The following SAP30BP variants were observed in gnomAD, a reference collection of about 807,000 sequenced individuals.
The protein encoded by SAP30BP is SAP30-binding protein.
In SAP30BP, 31 loss-of-function variants were observed where a neutral mutation model predicts 46.3. That is an observed-to-expected ratio of 0.67 (90% CI 0.50 to 0.90). The LOEUF (loss-of-function observed/expected upper bound fraction) is 0.90, where lower values mean the gene tolerates loss of function less well. Among genes scored for constraint, SAP30BP ranks in the 40% least tolerant of loss-of-function variants. SAP30BP has a pLI of 0.00. For missense variants in SAP30BP, 312 were observed against 391.0 expected, an observed-to-expected ratio of 0.80 and a Z score of 1.70; for synonymous variants, 169 against 144.2, an observed-to-expected ratio of 1.17 and a Z score of -1.23.
At chr17:75,675,553 G>A (rs2148376444) in intron 3 of SAP30BP, among the ~76,000 whole-genome samples, 1 of 152,120 alleles carries the variant, frequency 6.6e-6, no homozygotes, top group Middle Eastern at 3.4e-3. Flanking sequence ...TTTCATTTTG[G>A]TTTTATCTAT....
chr17:75,682,523 C>A (rs2060092742), intron 3 of SAP30BP, among the ~76,000 whole-genome samples: 1 of 151,258 alleles, frequency 6.6e-6, no homozygotes. Context: ...CATTTTTATT[C>A]TTCTTTTATG....
At chr17:75,687,720 C>A (rs1212945325) in intron 3 of SAP30BP, among the ~76,000 whole-genome samples, 1 of 152,134 alleles carries the variant, frequency 6.6e-6, no homozygotes, top group African/African-American at 2.4e-5. Context: ...CTTCTCCTGC[C>A]CCTTGGCAGA....
At chr17:75,698,164 G>A (rs559442268) in intron 4 of SAP30BP, among the ~76,000 whole-genome samples, 3 of 152,346 alleles carry the variant, frequency 2.0e-5, no homozygotes, top group Admixed American at 6.5e-5. Flanking sequence ...CCAAGGCTGC[G>A]GGGAAGAGGC....
intron 3 of SAP30BP, among the ~76,000 whole-genome samples, chr17:75,691,089 A>G (rs2060234923): frequency 6.6e-6 from 1 of 152,108 alleles, no homozygotes; most frequent in South Asian, 2.1e-4. Context: ...ATGGAGCTGG[A>G]TTCTGCTGCT....
At chr17:75,685,119 C>G (rs936679794) in intron 3 of SAP30BP, among the ~76,000 whole-genome samples, 1 of 152,152 alleles carries the variant, frequency 6.6e-6, no homozygotes, top group Non-Finnish European at 1.5e-5. Flanking sequence ...AGGGAGCCAC[C>G]GCGTGTCTGG....
chr17:75,686,640 C>T (rs576620517), intron 3 of SAP30BP, among the ~76,000 whole-genome samples: 1 of 152,332 alleles, frequency 6.6e-6, no homozygotes, highest in East Asian at 1.9e-4. Context: ...CCACCAACTT[C>T]CGCCCATTTT....
Position 75,676,665 on chromosome 17 carries a change from C to T in SAP30BP, c.264+4802C>T, listed in dbSNP as rs530027568. Among the ~76,000 whole-genome samples, 247 of 152,292 alleles carry T rather than the reference C, an allele frequency of 1.6e-3. 2 individuals are homozygous for T. The highest frequency in any genetic ancestry group is 5.5e-3 in the African/African-American group (229 of 41,538). ...AACTGGTGACTCAAATAATCACAAA[C>T]GGTAGTCCATCCTTTTCCGTGGCTT... On this transcript the variant is annotated intron_variant, in intron 3 of 10. Transcript: ENST00000584667.
Position 75,706,586 on chromosome 17 carries a change from C to T in SAP30BP, c.*65C>T. Reference sequence around the variant, plus strand: ...CCAGTGACCACTGCCCAGTGGGAGGCGCCACTTTGTATATTTCAGGACTGG... The same window carrying T: ...CCAGTGACCACTGCCCAGTGGGAGGTGCCACTTTGTATATTTCAGGACTGG... On this transcript the variant is annotated 3_prime_UTR_variant, in exon 11 of 11. Transcript: ENST00000584667. The surrounding 1 kb of genome is among the most constrained non-coding windows in gnomAD (Gnocchi z 4.6). 6.2e-6 allele frequency: 9 copies of T among 1,454,766 alleles called. No homozygotes were observed. In the Admixed American group the frequency reaches 7.2e-5, roughly 12 times the overall value. The allele number at this position is 1,454,766 out of a possible 1,614,324, so 90.1% of individuals were successfully genotyped here. A position where few individuals can be genotyped will look rare whatever the true frequency, so the allele number is the denominator to read the frequency against.
chr17:75,686,039 G>A (rs1047789672), intron 3 of SAP30BP, among the ~76,000 whole-genome samples: 2 of 152,216 alleles, frequency 1.3e-5, no homozygotes, highest in African/African-American at 2.4e-5. Flanking sequence ...GTTGTAACAT[G>A]TTCCATGTAA....
chr17:75,675,442 C>T (rs970672300), intron 3 of SAP30BP, among the ~76,000 whole-genome samples: 81 of 152,160 alleles, frequency 5.3e-4, no homozygotes, highest in Non-Finnish European at 5.9e-5. Context: ...AGCCACCTCG[C>T]CCGGCCTCTA....
intron 3 of SAP30BP, chr17:75,692,665 G>A (rs1166952010): frequency 1.3e-5 from 3 of 239,370 alleles, no homozygotes; most frequent in East Asian, 1.8e-4. Context: ...TCCAGAAAAC[G>A]TCTAAGAAGC....
At chr17:75,687,781 C>T (rs77526013) in intron 3 of SAP30BP, among the ~76,000 whole-genome samples, 1,546 of 151,784 alleles carry the variant, frequency 0.01, 21 homozygotes, top group African/African-American at 0.034. Context: ...GCTGCCTGTC[C>T]GTCTGACATT....
intron 2 of SAP30BP, among the ~76,000 whole-genome samples, chr17:75,670,722 A>G (rs982906325): frequency 1.3e-5 from 2 of 152,058 alleles, no homozygotes; most frequent in Non-Finnish European, 1.5e-5. Flanking sequence ...TTTTAAGGAG[A>G]TTATGGAGAT....
rs538072327 is a variant in SAP30BP, at chr17:75,707,440, G to C, written c.*919G>C. ...TTGAAACGGGTTTCCCAGACCAGGGGTTCAGAGGAGACTATTTACCCTTCA... is the reference window on the plus strand; with the variant it reads ...TTGAAACGGGTTTCCCAGACCAGGGCTTCAGAGGAGACTATTTACCCTTCA... On this transcript the variant is annotated 3_prime_UTR_variant, in exon 11 of 11. Transcript: ENST00000584667. The C allele has an allele frequency of 6.5e-6, 1 of 152,750 alleles. No homozygotes were observed. The highest frequency in any genetic ancestry group is 2.4e-5 in the African/African-American group (1 of 41,470). 9.5% of individuals were successfully genotyped at this position (152,750 alleles called of 1,614,324 possible). A position where few individuals can be genotyped will look rare whatever the true frequency, so the allele number is the denominator to read the frequency against.
chr17:75,670,231 A>T (rs1348907914), intron 2 of SAP30BP, among the ~76,000 whole-genome samples: 1 of 152,050 alleles, frequency 6.6e-6, no homozygotes, highest in Admixed American at 6.6e-5. Context: ...CTGAGGCAGG[A>T]GAATCGCTTG....
At chr17:75,687,477 A>G (rs1037904563) in intron 3 of SAP30BP, among the ~76,000 whole-genome samples, 3 of 152,078 alleles carry the variant, frequency 2.0e-5, no homozygotes, top group Admixed American at 2.0e-4. Context: ...TTAGCCAGCC[A>G]TGGTGGTGCA....
intron 4 of SAP30BP, among the ~76,000 whole-genome samples, chr17:75,696,757 TC>T (rs1245097566): frequency 1.5e-5 from 2 of 130,492 alleles, no homozygotes; most frequent in Non-Finnish European, 3.2e-5. Flanking sequence ...GAGGAGGGGC[TC>T]CCCTCCTCTT....
At position 75,671,873 on chromosome 17, in the gene SAP30BP, G is replaced by A. The variant is rs1292555710; in HGVS notation, c.264+10G>A. The A allele has an allele frequency of 1.2e-6, 2 of 1,611,250 alleles. No homozygotes were observed. Among genetic ancestry groups the A allele is most frequent in the East Asian group, 4.5e-5 (2 of 44,870 alleles). On this transcript the variant is annotated intron_variant, in intron 3 of 10. Transcript: ENST00000584667. ...GGCTGATGACCCAAAGGTATTTGGT[G>A]TTGGCTGTGGTGGGTGGCTGGATGC...
chr17:75,667,814 A>G (rs926351529), intron 1 of SAP30BP, among the ~76,000 whole-genome samples: 5 of 152,248 alleles, frequency 3.3e-5, no homozygotes, highest in Non-Finnish European at 5.9e-5. Flanking sequence ...TAAGTAAAAC[A>G]TACGTGGAAG....
Sources: allele counts gnomAD v4.1 joint callset (sites outside exome capture counted in the v4.1 genomes callset), GRCh38; gene constraint gnomAD v4.1.1; non-coding constraint Gnocchi (gnomAD v3.1); transcripts MANE v1.5; gene names NCBI Gene and HGNC (gene_info 2026-07-23, HGNC 2026-07-21).